MYO1D: variants seen among roughly 807,000 people sequenced by gnomAD.
MYO1D encodes unconventional myosin-Id.
Under a neutral mutation model 122.0 loss-of-function variants are expected in MYO1D, and 83 were observed. The observed-to-expected ratio is 0.68, with a 90% CI of 0.57 to 0.82. MYO1D has a LOEUF of 0.82. MYO1D is among the 40% of genes least tolerant of loss of function. MYO1D has a pLI of 0.00. For missense variants in MYO1D, 1,157 were observed against 1,269.5 expected, an observed-to-expected ratio of 0.91 and a Z score of 1.35; for synonymous variants, 464 against 446.9, an observed-to-expected ratio of 1.04 and a Z score of -0.48.
chr17:32,572,125 T>C (rs1435219596), intron 21 of MYO1D, among the ~76,000 whole-genome samples: 2 of 152,142 alleles, frequency 1.3e-5, no homozygotes, highest in African/African-American at 4.8e-5. Flanking sequence ...TTAAATAATA[T>C]ATGTATCCTT....
At chr17:32,761,419 A>T (rs1483595755) in intron 8 of MYO1D, among the ~76,000 whole-genome samples, 1 of 152,192 alleles carries the variant, frequency 6.6e-6, no homozygotes. Context: ...GTCGCTCAGC[A>T]TCACTCAACC....
chr17:32,591,957 G>A (rs2087443039), intron 21 of MYO1D, among the ~76,000 whole-genome samples: 5 of 152,198 alleles, frequency 3.3e-5, no homozygotes, highest in Admixed American at 3.3e-4. Flanking sequence ...GACTGTCATA[G>A]TCTTTTTCAT....
chr17:32,567,148 G>C (rs1251820288), intron 21 of MYO1D, among the ~76,000 whole-genome samples: 5 of 152,064 alleles, frequency 3.3e-5, no homozygotes, highest in Non-Finnish European at 5.9e-5. Context: ...GGTGGCAGAA[G>C]TCAATAAATT....
chr17:32,741,814 C>T lies in MYO1D; in HGVS notation c.1613+3397G>A, dbSNP rs547308755. On this transcript the variant is annotated intron_variant, in intron 13 of 21. Transcript: ENST00000318217. Reference sequence around the variant, plus strand: ...GGATCACGAGGTCAGGAGATCGAGACCATCCTGGCTAACACAGTGAAACCC... The same window carrying T: ...GGATCACGAGGTCAGGAGATCGAGATCATCCTGGCTAACACAGTGAAACCC... Among the ~76,000 whole-genome samples the T allele has an allele frequency of 2.0e-5, 3 of 152,056 alleles. No homozygotes were observed. The East Asian group carries it at 5.8e-4, about 29-fold the overall frequency.
chr17:32,808,138 C>T (rs1360670821), intron 1 of MYO1D, among the ~76,000 whole-genome samples: 2 of 151,960 alleles, frequency 1.3e-5, no homozygotes, highest in African/African-American at 4.8e-5. Flanking sequence ...TTTTGGAAGG[C>T]CAAGGTGGGA....
intron 1 of MYO1D, among the ~76,000 whole-genome samples, chr17:32,849,905 A>G (rs2090971745): frequency 6.6e-6 from 1 of 152,246 alleles, no homozygotes; most frequent in Non-Finnish European, 1.5e-5. Context: ...AGTTTAAAAC[A>G]AAACACGGAA....
chr17:32,577,425 C>A lies in MYO1D; in HGVS notation c.2864+27662G>T, dbSNP rs116790131. On this transcript the variant is annotated intron_variant, in intron 21 of 21. Transcript: ENST00000318217. Reference sequence around the variant, plus strand: ...GGGACTATAGGTGTGAGCCACCACACCCTGCCAGGATAAGTGATTTAGAAC... The same window carrying A: ...GGGACTATAGGTGTGAGCCACCACAACCTGCCAGGATAAGTGATTTAGAAC... Among the ~76,000 whole-genome samples the A allele has an allele frequency of 3.7e-3, 567 of 152,242 alleles. 1 individual carries two copies. The highest frequency in any genetic ancestry group is 0.013 in the African/African-American group (539 of 41,532).
intron 1 of MYO1D, among the ~76,000 whole-genome samples, chr17:32,783,475 G>C (rs1368879982): frequency 6.6e-6 from 1 of 152,170 alleles, no homozygotes; most frequent in Admixed American, 6.5e-5. Context: ...GATCACTTGA[G>C]CCCAGGAGTT....
At position 32,622,405 on chromosome 17, in the gene MYO1D, C is replaced by T. The variant is rs113402650; in HGVS notation, c.2709+16317G>A. On this transcript the variant is annotated intron_variant, in intron 20 of 21. Transcript: ENST00000318217. ...AGTGTTCTGGGAACAAGAGAGTCCC[C>T]GACCCTTCTCCCATGGAGTCTATGT... Among the ~76,000 whole-genome samples the T allele has an allele frequency of 6.6e-5, 10 of 152,158 alleles. 1 individual carries two copies. The highest frequency in any genetic ancestry group is 1.9e-4 in the African/African-American group (8 of 41,516).
chr17:32,791,174 G>A (rs749519218), intron 1 of MYO1D, among the ~76,000 whole-genome samples: 1 of 151,938 alleles, frequency 6.6e-6, no homozygotes, highest in Non-Finnish European at 1.5e-5. Context: ...GACCAGCCTG[G>A]CCAACATGGT....
intron 19 of MYO1D, among the ~76,000 whole-genome samples, chr17:32,640,641 C>T (rs953331231): frequency 8.6e-5 from 13 of 151,026 alleles, no homozygotes; most frequent in African/African-American, 3.2e-4. Context: ...CATGTCCCTA[C>T]AAAGGACATG....
intron 21 of MYO1D, among the ~76,000 whole-genome samples, chr17:32,593,114 A>G (rs143119023): frequency 9.1e-6 from 1 of 110,096 alleles, no homozygotes; most frequent in East Asian, 2.1e-4. Flanking sequence ...GACAACCATT[A>G]CTCTGGCCAG....
intron 21 of MYO1D, chr17:32,504,742 TCAG>T (rs1909436926): frequency 6.6e-6 from 1 of 152,288 alleles, no homozygotes; most frequent in Non-Finnish European, 1.5e-5. Context: ...GCATGTCTTT[TCAG>T]CCACTTCCTA....
At chr17:32,645,179 T>C (rs1289223596) in intron 19 of MYO1D, among the ~76,000 whole-genome samples, 1 of 152,206 alleles carries the variant, frequency 6.6e-6, no homozygotes, top group Admixed American at 6.5e-5. Flanking sequence ...TGAAGCTTAG[T>C]TTGGCTGGAT....
intron 1 of MYO1D, among the ~76,000 whole-genome samples, chr17:32,854,861 AG>A (rs1288754547): frequency 1.3e-5 from 2 of 152,230 alleles, no homozygotes; most frequent in Non-Finnish European, 2.9e-5. Flanking sequence ...TCCTGGAATG[AG>A]GGAACTGGAT....
chr17:32,554,168 T>C (rs2087047364), intron 21 of MYO1D, among the ~76,000 whole-genome samples: 2 of 152,200 alleles, frequency 1.3e-5, no homozygotes, highest in African/African-American at 4.8e-5. Flanking sequence ...CCACTGGGAT[T>C]CTCAACTGAG....
intron 21 of MYO1D, among the ~76,000 whole-genome samples, chr17:32,539,663 A>G (rs1254809967): frequency 1.3e-5 from 2 of 152,156 alleles, no homozygotes; most frequent in African/African-American, 2.4e-5. Context: ...TTCTTTTATA[A>G]GGATTTATTA....
rs1485535207 is a variant in MYO1D, at chr17:32,513,449, TG to T, written c.2865-18535del. Among the ~76,000 whole-genome samples, 6 of 152,318 alleles carry T rather than the reference TG, an allele frequency of 3.9e-5. No individual in the cohort carries two copies. The East Asian group carries it at 7.7e-4, about 20-fold the overall frequency. On this transcript the variant is annotated intron_variant, in intron 21 of 21. Transcript: ENST00000318217. Reference sequence around the variant, plus strand: ...AGGAGGTGGAAAGAGAGAATGAGTTTGTTTTTTGGACAGTGTTGAGTTTGAC... The same window carrying T: ...AGGAGGTGGAAAGAGAGAATGAGTTTTTTTTTGGACAGTGTTGAGTTTGAC...
intron 1 of MYO1D, among the ~76,000 whole-genome samples, chr17:32,795,159 T>C (rs138377828): frequency 2.6e-5 from 4 of 152,258 alleles, no homozygotes; most frequent in African/African-American, 9.6e-5. Context: ...TGCAATCTGT[T>C]TGAGACACCT....
Sources: gnomAD v4.1 joint callset for allele counts (sites outside exome capture counted in the v4.1 genomes callset) on GRCh38, gnomAD v4.1.1 for gene constraint, MANE v1.5 for transcripts, NCBI Gene and HGNC (gene_info 2026-07-23, HGNC 2026-07-21) for gene names.